Variants in PLEKHM2 observed in about 807,000 individuals in gnomAD.
PLEKHM2 encodes pleckstrin homology and RUN domain containing M2.
In PLEKHM2, 77 loss-of-function variants were observed where a neutral mutation model predicts 116.3. The ratio of observed to expected loss-of-function variants is 0.66; its 90% confidence interval spans 0.55 to 0.80. The LOEUF is 0.80. Ranked by LOEUF, PLEKHM2 falls within the 30% of genes least tolerant of loss-of-function variation. The pLI is 0.00. For missense variants in PLEKHM2, 1,183 were observed against 1,354.9 expected, an observed-to-expected ratio of 0.87 and a Z score of 1.99; for synonymous variants, 562 against 571.0, an observed-to-expected ratio of 0.98 and a Z score of 0.22.
rs556055471 is a variant in PLEKHM2 at position 15,713,685 on chromosome 1, G to A, written c.61-2552G>A. 1.4e-4 allele frequency among the ~76,000 whole-genome samples: 22 copies of A among 152,108 alleles called. 1 individual carries two copies. The highest frequency in any genetic ancestry group is 6.8e-3 in the Middle Eastern group (2 of 294). ...GAGTCTTGCTCTGTTGCCCAGGCTG[G>A]AGTGCAGTGGCGTGATCTCAGCTCA... is the stretch of plus-strand genomic sequence containing the variant. On this transcript the variant is annotated intron_variant, in intron 1 of 19. Transcript: ENST00000375799.
At chr1:15,725,979 C>T (rs1278597670) in intron 8 of PLEKHM2, 2 of 178,580 alleles carry the variant, frequency 1.1e-5, no homozygotes, top group Non-Finnish European at 2.4e-5. Flanking sequence ...ACCCCCCACC[C>T]CCTGATACCA....
intron 6 of PLEKHM2, chr1:15,720,472 G>A (rs567155491): frequency 4.3e-5 from 42 of 985,248 alleles, no homozygotes; most frequent in African/African-American, 4.0e-4. Flanking sequence ...ATCAGGGACC[G>A]AGGAAGAAGC....
Position 15,732,042 on chromosome 1 carries a change from C to G in PLEKHM2, c.2619C>G (p.Ser873=). The part of the protein sequence containing the change: ...EWMQHLCQAV[S]KGVIPQGVAP... ...TGCAGCATCTCTGCCAGGCTGTGTC[C>G]AAAGGGGTGAGCTTCGCCTGCCCCT... Residue 873 remains serine (S), a synonymous_variant, in exon 17 of 20, where the codon TCC becomes TCG. Transcript: ENST00000375799. The G allele has an allele frequency of 1.2e-6, 2 of 1,610,520 alleles. No homozygotes were observed.
chr1:15,702,433 T>G (rs1401021085), intron 1 of PLEKHM2, among the ~76,000 whole-genome samples: 1 of 152,022 alleles, frequency 6.6e-6, no homozygotes, highest in Non-Finnish European at 1.5e-5. Flanking sequence ...TTTCTTTTTT[T>G]GAGATGTAGC....
At position 15,719,176 on chromosome 1, in the gene PLEKHM2, G is replaced by A. The variant is rs1350315428; in HGVS notation, c.465+551G>A. On this transcript the variant is annotated intron_variant, in intron 5 of 19. Coordinates refer to ENST00000375799, the MANE Select transcript of PLEKHM2 (RefSeq NM_015164.4). This position sits in a 1 kb window ranked among gnomAD's most constrained non-coding sequence, Gnocchi z 4.1. ...TCAAATGACCTTCCTTGGGCCAGGC[G>A]CAGTGGCTCACACCTATAATCCCAG... Among the ~76,000 whole-genome samples, 6 of 152,148 alleles carry A rather than the reference G, an allele frequency of 3.9e-5. No homozygotes were observed. The highest frequency in any genetic ancestry group is 1.3e-4 in the Admixed American group (2 of 15,280).
chr1:15,705,664 A>G (rs564139654), intron 1 of PLEKHM2, among the ~76,000 whole-genome samples: 1 of 152,232 alleles, frequency 6.6e-6, no homozygotes, highest in Admixed American at 6.5e-5. Flanking sequence ...CAGACCCTGC[A>G]TCTGACCCCT....
chr1:15,684,688 T>G, intron 1 of PLEKHM2, 70 bp downstream of exon 1: 4 of 557,726 alleles, frequency 7.2e-6, no homozygotes, highest in Non-Finnish European at 8.9e-6. Flanking sequence ...GGCGGCGCTC[T>G]CCCGGGCCGG....
chr1:15,690,074 G>T (rs1240336), intron 1 of PLEKHM2, among the ~76,000 whole-genome samples: 13,474 of 141,458 alleles, frequency 0.095, 795 homozygotes, highest in East Asian at 0.26. Flanking sequence ...TTTTTTTTTT[G>T]TTTTGTTTTT....
chr1:15,697,401 A>G (rs982414138), intron 1 of PLEKHM2, among the ~76,000 whole-genome samples: 1 of 152,246 alleles, frequency 6.6e-6, no homozygotes, highest in Non-Finnish European at 1.5e-5. Context: ...CTCCGTAAGA[A>G]GTCAATCCCT....
At position 15,727,469 on chromosome 1, in the gene PLEKHM2, G is replaced by A. The variant is rs1414192320; in HGVS notation, c.1397G>A (p.Arg466His). 1.4e-5 allele frequency: 22 copies of A among 1,602,566 alleles called. No homozygotes were observed. In the Admixed American group the frequency reaches 1.9e-4, roughly 14 times the overall value. ...EGLSAPMDFYRFTVESPSTVT... is the reference protein window; with the variant it reads ...EGLSAPMDFYHFTVESPSTVT... ...CTTTCAGCCCCAATGGACTTCTACCGCTTTACCGTCGAGAGTCCAAGCACT... is the reference window on the plus strand; with the variant it reads ...CTTTCAGCCCCAATGGACTTCTACCACTTTACCGTCGAGAGTCCAAGCACT... Residue 466 changes from arginine (R) to histidine (H), a missense_variant, in exon 9 of 20, where the codon CGC (arginine) becomes CAC (histidine). Around this residue, in one of 3 missense-constraint regions of PLEKHM2, gnomAD observed 372 missense variants for 357.2 expected, o/e 1.04. Transcript: ENST00000375799. The surrounding 1 kb of genome is among the most constrained non-coding windows in gnomAD (Gnocchi z 7.5).
rs142442267 is a variant in PLEKHM2 at position 15,725,465 on chromosome 1, C to T, written c.861C>T (p.Pro287=). The stretch of plus-strand genomic sequence containing the variant: ...CTGTGTCCTCCTCTGACACCACCCC[C>T]GTGCACACCACCTCTCAGGAGAAGG... ...AETVSSSDTT[P]VHTTSQEKEE... Residue 287 remains proline (P), a synonymous_variant, in exon 8 of 20, where the codon CCC becomes CCT. Coordinates refer to ENST00000375799, the MANE Select transcript of PLEKHM2 (RefSeq NM_015164.4). 42 of 1,578,036 alleles carry T rather than the reference C, an allele frequency of 2.7e-5. No homozygotes were observed. Among genetic ancestry groups the T allele is most frequent in the Non-Finnish European group, 3.3e-5 (38 of 1,162,942 alleles).
intron 7 of PLEKHM2, chr1:15,723,231 C>G (rs1372370092): frequency 6.6e-6 from 1 of 152,018 alleles, no homozygotes; most frequent in Non-Finnish European, 1.5e-5. Context: ...GGTGCAACTG[C>G]GTGTGCTGAG....
rs1641439132 is a variant in PLEKHM2, at chr1:15,716,210, A to T, written c.61-27A>T. ...TAGCCTTCCTCTTAATCCATTTCTG[A>T]TTTGGAGGTGTTTTTTTTTCTTTCA... On this transcript the variant is annotated intron_variant, in intron 1 of 19. Coordinates refer to ENST00000375799, the MANE Select transcript of PLEKHM2 (RefSeq NM_015164.4). 4 of 1,346,732 alleles carry T rather than the reference A, an allele frequency of 3.0e-6. No individual in the cohort carries two copies. In the South Asian group the frequency reaches 5.1e-5, roughly 17 times the overall value. 83.4% of individuals were successfully genotyped at this position (1,346,732 alleles called of 1,614,324 possible). A position where few individuals can be genotyped will look rare whatever the true frequency, so the allele number is the denominator to read the frequency against.
chr1:15,692,745 CT>C (rs1376978835), intron 1 of PLEKHM2, among the ~76,000 whole-genome samples: 1 of 151,730 alleles, frequency 6.6e-6, no homozygotes, highest in Non-Finnish European at 1.5e-5. Context: ...GCCCCATTCA[CT>C]TTTTCTTTTT....
chr1:15,731,863 C>G, intron 16 of PLEKHM2, 26 bp from the exon 17 acceptor site: 1 of 1,599,798 alleles, frequency 6.3e-7, no homozygotes, highest in Non-Finnish European at 8.5e-7. Flanking sequence ...TCCTCGCTCC[C>G]GTTTCACCCT....
intron 8 of PLEKHM2, chr1:15,725,863 C>T: frequency 2.6e-6 from 1 of 381,944 alleles, no homozygotes. Flanking sequence ...CACAGATGTC[C>T]CTCTTCTCGC....
In PLEKHM2 at chr1:15,724,625, C is replaced by T. The variant is rs1465639562; in HGVS notation, c.713-692C>T. Among the ~76,000 whole-genome samples the T allele has an allele frequency of 3.3e-5, 5 of 152,306 alleles. No homozygotes were observed. In the East Asian group the frequency reaches 9.7e-4, roughly 29 times the overall value. ...GCCTCTCGGACCCCTGTCTTTGCCC[C>T]TTCGCACCTTGCTCTCATTGCCCTG... On this transcript the variant is annotated intron_variant, in intron 7 of 19. Coordinates refer to ENST00000375799, the MANE Select transcript of PLEKHM2 (RefSeq NM_015164.4).
chr1:15,693,029 G>A (rs966667458), intron 1 of PLEKHM2, among the ~76,000 whole-genome samples: 6 of 131,474 alleles, frequency 4.6e-5, no homozygotes, highest in Non-Finnish European at 6.4e-5. Context: ...GCGAGCCACC[G>A]TGCCTAGCCA....
chr1:15,691,795 C>CA (rs369279060), intron 1 of PLEKHM2, among the ~76,000 whole-genome samples: 9 of 151,986 alleles, frequency 5.9e-5, no homozygotes, highest in Non-Finnish European at 1.0e-4. Flanking sequence ...TCTGCAAGTA[C>CA]AAAAAAATTA....
Sources: gnomAD v4.1 joint callset for allele counts (sites outside exome capture counted in the v4.1 genomes callset) on GRCh38, gnomAD v4.1.1 for gene constraint, gnomAD v4.1.1 regional missense constraint, Gnocchi (gnomAD v3.1) non-coding constraint, MANE v1.5 for transcripts, NCBI Gene and HGNC (gene_info 2026-07-23, HGNC 2026-07-21) for gene names.